Variants in MACF1 observed in about 807,000 individuals in gnomAD.
MACF1 encodes the protein microtubule-actin cross-linking factor 1.
A neutral mutation model predicts 854.8 loss-of-function variants in MACF1; 193 were observed. That is an observed-to-expected ratio of 0.23 (90% CI 0.20 to 0.25). The LOEUF (loss-of-function observed/expected upper bound fraction) is 0.25. MACF1 is among the 10% of genes least tolerant of loss of function. MACF1 has a pLI of 1.00. For missense variants in MACF1, 7,722 were observed against 8,929.1 expected, an observed-to-expected ratio of 0.86 and a Z score of 5.45; for synonymous variants, 3,185 against 3,226.7, an observed-to-expected ratio of 0.99 and a Z score of 0.44.
intron 54 of MACF1, 152 bp from the exon 55 acceptor site, chr1:39,380,092 A>AG (rs1237626920): frequency 6.5e-6 from 4 of 615,530 alleles, no homozygotes; most frequent in African/African-American, 1.9e-5. Flanking sequence ...TTGAAGTAGA[A>AG]GGGTTAAGTA....
rs76351144 is a variant in MACF1 at position 39,108,303 on chromosome 1, G to T, written c.220+23865G>T. Among the ~76,000 whole-genome samples, 481 of 152,160 alleles carry T rather than the reference G, an allele frequency of 3.2e-3. 1 individual carries two copies. Among genetic ancestry groups the T allele is most frequent in the Non-Finnish European group, 4.3e-3 (294 of 68,016 alleles). On this transcript the variant is annotated intron_variant, in intron 2 of 93. Coordinates refer to the MACF1 transcript ENST00000361689. ...AGTCATTAAAGTCTCTCTTGGAGGT[G>T]CCACAATGTTAGATGCCAGAATTCT... is the stretch of plus-strand genomic sequence containing the variant.
In MACF1 at chr1:39,408,572, G is replaced by A. The variant is rs1354652275; in HGVS notation, c.15817-13802G>A. The stretch of plus-strand genomic sequence containing the variant: ...GCCAGAGCCGGCTAGCTGGGGGAGC[G>A]CGGGCGCCCTTTCTGGATTCGTTCG... On this transcript the variant is annotated intron_variant, in intron 58 of 100. Coordinates refer to ENST00000564288, the MANE Select transcript of MACF1 (RefSeq NM_001394062.1). 2.0e-5 allele frequency among the ~76,000 whole-genome samples: 3 copies of A among 152,186 alleles called. No individual in the cohort carries two copies. In the East Asian group the frequency reaches 5.8e-4, roughly 29 times the overall value.
At chr1:39,212,184 C>T (rs1215496775) in intron 1 of MACF1, among the ~76,000 whole-genome samples, 1 of 152,048 alleles carries the variant, frequency 6.6e-6, no homozygotes. Context: ...AAACTTTTTC[C>T]TACCTTTAAC....
chr1:39,467,162 C>T (rs993670095), intron 95 of MACF1, among the ~76,000 whole-genome samples: 1 of 152,052 alleles, frequency 6.6e-6, no homozygotes, highest in African/African-American at 2.4e-5. Flanking sequence ...GTCAGGAGAT[C>T]GAGACTAACC....
At chr1:39,188,126 G>A (rs986932662) in intron 2 of MACF1, among the ~76,000 whole-genome samples, 2 of 151,566 alleles carry the variant, frequency 1.3e-5, no homozygotes, top group Non-Finnish European at 2.9e-5. Context: ...GATGTTTCTT[G>A]GTGATCTTCA....
chr1:39,353,204 A>G lies in MACF1; in HGVS notation c.11397A>G (p.Lys3799=). The G allele has an allele frequency of 6.2e-7, 1 of 1,608,040 alleles. No homozygotes were observed. Among genetic ancestry groups the G allele is most frequent in the Non-Finnish European group, 8.5e-7 (1 of 1,174,992 alleles). Residue 3799 remains lysine (K), a synonymous_variant, in exon 44 of 101, where the codon AAA becomes AAG. Transcript: ENST00000564288. The stretch of plus-strand genomic sequence containing the variant: ...TGGGGGTGAATCAAGCCCCAGAGAA[A>G]CTGGACAAGCAATGTGAGATGATGA... ...GYMGVNQAPE[K]LDKQCEMMKA... is the part of the protein sequence containing the mutation.
At chr1:39,452,012 T>A (rs1644352025) in intron 85 of MACF1, 144 bp from the exon 86 acceptor site, 2 of 679,750 alleles carry the variant, frequency 2.9e-6, no homozygotes, top group Non-Finnish European at 4.8e-6. Flanking sequence ...CCGGCCTGGT[T>A]GTTTTTTCTT....
chr1:39,361,385 A>G lies in MACF1; in HGVS notation c.12479A>G (p.Gln4160Arg), dbSNP rs1169642298. The part of the protein sequence containing the change: ...NMKLKQDIAR[Q>R]KSSLEATREM... Reference sequence around the variant, plus strand: ...AAATTGAAGCAGGACATTGCTCGGCAAAAGAGCAGCTTGGAGGCCACCCGT... The same window carrying G: ...AAATTGAAGCAGGACATTGCTCGGCGAAAGAGCAGCTTGGAGGCCACCCGT... Residue 4160 changes from glutamine to arginine, a missense_variant, in exon 49 of 101, where the codon CAA (glutamine) becomes CGA (arginine). Physicochemically the swap from Gln to Arg is conservative, Grantham distance 43 (BLOSUM62 1). This residue lies in a region of MACF1 where 2,807 missense variants were observed against 3,235.8 expected (regional missense o/e 0.87). Transcript: ENST00000564288. 1.2e-6 allele frequency: 2 copies of G among 1,613,612 alleles called. No homozygotes were observed. The highest frequency in any genetic ancestry group is 1.7e-6 in the Non-Finnish European group (2 of 1,179,680).
intron 97 of MACF1, among the ~76,000 whole-genome samples, chr1:39,476,638 A>G (rs544984387): frequency 2.0e-5 from 3 of 152,350 alleles, no homozygotes; most frequent in African/African-American, 7.2e-5. Flanking sequence ...AATGTTTTAC[A>G]AATTGTCACA....
chr1:39,475,322 A>G (rs951416707), intron 97 of MACF1, among the ~76,000 whole-genome samples: 1 of 152,176 alleles, frequency 6.6e-6, no homozygotes, highest in Non-Finnish European at 1.5e-5. Context: ...TACAAAAATT[A>G]GCCAGGCAAG....
chr1:39,201,768 A>G (rs1211862443), upstream of MACF1, among the ~76,000 whole-genome samples: 1 of 152,072 alleles, frequency 6.6e-6, no homozygotes, highest in Admixed American at 6.6e-5. Context: ...CTGTACAGCC[A>G]TAGGTGATCT....
rs1051857639 is a variant in MACF1 at position 39,283,112 on chromosome 1, C to G, written c.696-77C>G. 6 of 884,508 alleles carry G rather than the reference C, an allele frequency of 6.8e-6. No individual in the cohort carries two copies. Among genetic ancestry groups the G allele is most frequent in the Non-Finnish European group, 9.2e-6 (5 of 545,210 alleles). 54.8% of individuals were successfully genotyped at this position (884,508 alleles called of 1,614,324 possible). A position where few individuals can be genotyped will look rare whatever the true frequency, so the allele number is the denominator to read the frequency against. On this transcript the variant is annotated intron_variant, in intron 7 of 100. Coordinates refer to ENST00000564288, the MANE Select transcript of MACF1 (RefSeq NM_001394062.1). The surrounding 1 kb of genome is among the most constrained non-coding windows in gnomAD (Gnocchi z 4.5). ...AGTGTTTTTCAGCTCTGGGAACTTT[C>G]AGGAGGTTTTCTTTGTGTAAACTCA...
chr1:39,347,114 G>T lies in MACF1; in HGVS notation c.10719G>T (p.Leu3573=), dbSNP rs770378176. The change falls in exon 41 of 101, where the codon CTG becomes CTT. Residue 3573 remains leucine, a synonymous_variant. Coordinates refer to ENST00000564288, the MANE Select transcript of MACF1 (RefSeq NM_001394062.1). ...AGATGCTGAGGCTTCTGAATGAACT[G>T]CAGAGGTCCTTCCAGGACATTTTGG... ...NRQMLRLLNE[L]QRSFQDILEQ... 7 of 1,613,944 alleles carry T rather than the reference G, an allele frequency of 4.3e-6. No homozygotes were observed. The Admixed American group carries it at 1.2e-4, about 27-fold the overall frequency.
In MACF1 at chr1:39,161,895, TA is replaced by T. The variant is rs35781962; in HGVS notation, c.221-69275del. Reference sequence around the variant, plus strand: ...TTAATTAATTAATAATAAAATAAATTAAAAAAAAAAAACTAGCCGGGCATGA... The same window carrying T: ...TTAATTAATTAATAATAAAATAAATTAAAAAAAAAAACTAGCCGGGCATGA... On this transcript the variant is annotated intron_variant, in intron 2 of 93. Coordinates refer to the MACF1 transcript ENST00000361689. Among the ~76,000 whole-genome samples, 431 of 143,554 alleles carry T rather than the reference TA, an allele frequency of 3.0e-3. 3 individuals carry two copies. Among genetic ancestry groups the T allele is most frequent in the African/African-American group, 9.8e-3 (379 of 38,808 alleles). The allele number at this position is 143,554 out of a possible 152,430, so 94.2% of individuals were successfully genotyped here.
rs5773658 is a variant in MACF1 at position 39,406,738 on chromosome 1, C to CAAAAAAAAAAAAAAAA, written c.15817-15631_15817-15616dup. On this transcript the variant is annotated intron_variant, in intron 58 of 100. Coordinates refer to ENST00000564288, the MANE Select transcript of MACF1 (RefSeq NM_001394062.1). ...CGACAGAGTGAGACAGAGTCTCACT[C>CAAAAAAAAAAAAAAAA]AAAAAAAAAAAAAAAAAAAACATTC... 7.5e-4 allele frequency among the ~76,000 whole-genome samples: 24 copies of CAAAAAAAAAAAAAAAA among 31,812 alleles called. 1 individual carries two copies. The highest frequency in any genetic ancestry group is 3.2e-3 in the African/African-American group (22 of 6,776). 20.9% of individuals were successfully genotyped at this position (31,812 alleles called of 152,430 possible).
chr1:39,319,821 C>T, intron 31 of MACF1, 74 bp downstream of exon 31: 1 of 1,060,618 alleles, frequency 9.4e-7, no homozygotes, highest in Non-Finnish European at 1.4e-6. Flanking sequence ...ACTGTAGGTT[C>T]TGTTTCTAGA....
chr1:39,285,751 G>A lies in MACF1; in HGVS notation c.1501G>A (p.Ala501Thr), dbSNP rs186809071. 126 of 1,614,004 alleles carry A rather than the reference G, an allele frequency of 7.8e-5. No homozygotes were observed. The East Asian group carries it at 2.6e-3, about 33-fold the overall frequency. The part of the protein sequence containing the change: ...DENYYQLEEL[A>T]FRVMRLQDEL... ...GAATTACTACCAGCTAGAAGAGCTG[G>A]CTTTTAGGTGAGGAACAAGGGACTC... is the stretch of plus-strand genomic sequence containing the variant. The change falls in exon 14 of 101, where the codon GCT becomes ACT. Residue 501 changes from alanine to threonine, a missense_variant. Ala to Thr is a moderately conservative substitution (Grantham distance 58). Transcript: ENST00000564288.
In MACF1 at chr1:39,340,932, C is replaced by T. The variant is rs918860299; in HGVS notation, c.10560C>T (p.Asn3520=). The T allele has an allele frequency of 6.2e-6, 10 of 1,611,442 alleles. No individual in the cohort carries two copies. In the African/African-American group the frequency reaches 1.3e-4, roughly 22 times the overall value. Residue 3520 remains asparagine, a synonymous_variant, in exon 40 of 101, where the codon AAC becomes AAT. Transcript: ENST00000564288. ...SNSEIDVDSL[N]LCLQQYEDLK... is the part of the protein sequence containing the mutation. ...GTGAAATAGATGTTGACAGCCTGAA[C>T]CTCTGCCTCCAACAGTATGAGGTAA...
intron 5 of MACF1, among the ~76,000 whole-genome samples, chr1:39,255,014 G>A (rs1215871500): frequency 6.6e-6 from 1 of 151,886 alleles, no homozygotes; most frequent in African/African-American, 2.4e-5. Flanking sequence ...GTCATAGAAC[G>A]TTTCACCGAG....
Sources: allele counts gnomAD v4.1 joint callset (sites outside exome capture counted in the v4.1 genomes callset), GRCh38; gene constraint gnomAD v4.1.1; regional missense constraint gnomAD v4.1.1; non-coding constraint Gnocchi (gnomAD v3.1); transcripts MANE v1.5; gene names NCBI Gene and HGNC (gene_info 2026-07-23, HGNC 2026-07-21).